Variants in NALF1 observed in about 807,000 individuals in gnomAD.
NALF1 encodes NALCN channel auxiliary factor 1, also known as family with sequence similarity 155 member A.
NALF1 carries 3 observed loss-of-function variants against 48.4 expected under a neutral mutation model. The observed-to-expected ratio is 0.06, with a 90% CI of 0.03 to 0.16. The LOEUF is 0.16. Among genes scored for constraint, NALF1 ranks in the 10% least tolerant of loss-of-function variants. The pLI, the probability that NALF1 is intolerant of heterozygous loss-of-function variation, is 1.00. For missense variants in NALF1, 526 were observed against 571.5 expected (o/e 0.92, Z 0.81); for synonymous variants, 262 against 245.7 (o/e 1.07, Z -0.62).
At chr13:107,723,711 C>T (rs1876058714) in intron 1 of NALF1, among the ~76,000 whole-genome samples, 1 of 152,128 alleles carries the variant, frequency 6.6e-6, no homozygotes, top group African/African-American at 2.4e-5. Flanking sequence ...AGCGCACATG[C>T]AAACGAAGTA....
intron 1 of NALF1, among the ~76,000 whole-genome samples, chr13:107,581,808 C>A (rs1364674553): frequency 6.6e-6 from 1 of 152,104 alleles, no homozygotes; most frequent in Non-Finnish European, 1.5e-5. Flanking sequence ...CCATATCAGA[C>A]CCTCATCAAT....
chr13:107,634,541 C>T (rs1044504822), intron 1 of NALF1, among the ~76,000 whole-genome samples: 2 of 152,012 alleles, frequency 1.3e-5, no homozygotes, highest in African/African-American at 4.8e-5. Context: ...GGGAAAAGAT[C>T]TTGGAGTAAC....
rs1211722305 is a variant in NALF1 at position 107,167,811 on chromosome 13, T to A, written c.*2686A>T. Reference sequence around the variant, plus strand: ...CCTCTTATGTAAAGCAATGGTGGTTTTAGTTTTCCACCTTTTGGTTGGCAT... The same window carrying A: ...CCTCTTATGTAAAGCAATGGTGGTTATAGTTTTCCACCTTTTGGTTGGCAT... On this transcript the variant is annotated 3_prime_UTR_variant, in exon 3 of 3. Transcript: ENST00000375915. 1 of 152,222 alleles carries A rather than the reference T, an allele frequency of 6.6e-6. No individual in the cohort carries two copies. The highest frequency in any genetic ancestry group is 2.4e-5 in the African/African-American group (1 of 41,458). 9.4% of individuals were successfully genotyped at this position (152,222 alleles called of 1,614,324 possible).
intron 1 of NALF1, among the ~76,000 whole-genome samples, chr13:107,442,676 T>A (rs536809971): frequency 6.6e-6 from 1 of 152,290 alleles, no homozygotes; most frequent in African/African-American, 2.4e-5. Flanking sequence ...TTTTAAAAAC[T>A]TTTTTAAGGA....
intron 2 of NALF1, among the ~76,000 whole-genome samples, chr13:107,193,852 C>T (rs1879330681): frequency 6.6e-6 from 1 of 152,066 alleles, no homozygotes; most frequent in East Asian, 1.9e-4. Flanking sequence ...AAAAGTGGAG[C>T]TCAGAGATAG....
At chr13:107,688,129 T>G (rs1881481768) in intron 1 of NALF1, among the ~76,000 whole-genome samples, 1 of 152,212 alleles carries the variant, frequency 6.6e-6, no homozygotes, top group South Asian at 2.1e-4. Context: ...GCTAAATGTC[T>G]TAACCACATT....
chr13:107,205,530 C>G (rs1184150976), intron 2 of NALF1, among the ~76,000 whole-genome samples: 1 of 152,092 alleles, frequency 6.6e-6, no homozygotes, highest in African/African-American at 2.4e-5. Context: ...CAGCCTCAAC[C>G]GCCTGTCAAG....
At chr13:107,355,159 G>T (rs1047044502) in intron 1 of NALF1, among the ~76,000 whole-genome samples, 2 of 152,170 alleles carry the variant, frequency 1.3e-5, no homozygotes, top group Non-Finnish European at 2.9e-5. Context: ...AAGTTACAGT[G>T]AGGTGACAGG....
At chr13:107,579,832 C>A (rs1170122149) in intron 1 of NALF1, among the ~76,000 whole-genome samples, 1 of 152,044 alleles carries the variant, frequency 6.6e-6, no homozygotes, top group Non-Finnish European at 1.5e-5. Context: ...CCTCCCCCAC[C>A]TTTTAAACTG....
At chr13:107,271,057 C>G (rs1289625874) in intron 1 of NALF1, among the ~76,000 whole-genome samples, 1 of 152,156 alleles carries the variant, frequency 6.6e-6, no homozygotes, top group Admixed American at 6.5e-5. Context: ...GCATCCGTCT[C>G]AGATTTCTTA....
chr13:107,586,634 G>GTTTTTTTTTTTTTT (rs1403213630), intron 1 of NALF1, among the ~76,000 whole-genome samples: 5 of 5,658 alleles, frequency 8.8e-4, no homozygotes, highest in Admixed American at 2.3e-3. Context: ...CCCCTATGGA[G>GTTTTTTTTTTTTTT]ATTTTTTTTT....
chr13:107,353,728 T>C (rs182475464), intron 1 of NALF1, among the ~76,000 whole-genome samples: 1 of 152,344 alleles, frequency 6.6e-6, no homozygotes, highest in African/African-American at 2.4e-5. Flanking sequence ...AACTTTGTGA[T>C]GATTTATTTC....
chr13:107,521,855 T>G (rs2139096947), intron 1 of NALF1, among the ~76,000 whole-genome samples: 1 of 152,204 alleles, frequency 6.6e-6, no homozygotes, highest in East Asian at 1.9e-4. Flanking sequence ...GTTCAGGATC[T>G]TGGTGGAGAT....
intron 1 of NALF1, among the ~76,000 whole-genome samples, chr13:107,850,510 G>T (rs1450689238): frequency 6.6e-6 from 1 of 152,170 alleles, no homozygotes; most frequent in Non-Finnish European, 1.5e-5. Context: ...TAGGGATTCA[G>T]TTTCTTCCAG....
At chr13:107,431,171 G>T (rs186173264) in intron 1 of NALF1, among the ~76,000 whole-genome samples, 1 of 152,258 alleles carries the variant, frequency 6.6e-6, no homozygotes. Flanking sequence ...TGACTCCAGA[G>T]CACATACTCT....
chr13:107,483,963 T>C (rs1451083943), intron 1 of NALF1, among the ~76,000 whole-genome samples: 4 of 152,198 alleles, frequency 2.6e-5, no homozygotes, highest in African/African-American at 4.8e-5. Flanking sequence ...ATAGTTACTA[T>C]TGGTATTATT....
chr13:107,866,358 T>C lies in NALF1; in HGVS notation c.239A>G (p.Gln80Arg), dbSNP rs774038777. ...CTGCCTCTGCTGCTGCTGCTGCTGC[T>C]GCTGCTGCCGCTGCTGCTGCTGGTG... ...KEHQQQQRQQ[Q>R]QQQQQQRQRQ... Residue 80 changes from glutamine (Q) to arginine (R), a missense_variant, in exon 1 of 3, where the codon CAG (glutamine) becomes CGG (arginine). Around this residue, in one of 2 missense-constraint regions of NALF1, gnomAD observed 373 missense variants for 355.5 expected, o/e 1.05. Transcript: ENST00000375915. This position sits in a 1 kb window ranked among gnomAD's most constrained non-coding sequence, Gnocchi z 4.4. The C allele has an allele frequency of 1.2e-5, 19 of 1,610,716 alleles. No homozygotes were observed. In the African/African-American group the frequency reaches 1.2e-4, roughly 10 times the overall value.
At chr13:107,703,826 C>A (rs1042068503) in intron 1 of NALF1, among the ~76,000 whole-genome samples, 3 of 152,154 alleles carry the variant, frequency 2.0e-5, no homozygotes, top group African/African-American at 7.2e-5. Context: ...CTGTTCCCTA[C>A]ATTTCTTGCA....
intron 1 of NALF1, among the ~76,000 whole-genome samples, chr13:107,378,448 A>T (rs1194631623): frequency 6.6e-6 from 1 of 152,152 alleles, no homozygotes; most frequent in Non-Finnish European, 1.5e-5. Context: ...TTGGTAATAC[A>T]GTCAATTTTA....
Sources: gnomAD v4.1 joint callset for allele counts (sites outside exome capture counted in the v4.1 genomes callset) on GRCh38, gnomAD v4.1.1 for gene constraint, gnomAD v4.1.1 regional missense constraint, Gnocchi (gnomAD v3.1) non-coding constraint, MANE v1.5 for transcripts, NCBI Gene and HGNC (gene_info 2026-07-23, HGNC 2026-07-21) for gene names.